The following NFIL3 variants were observed in gnomAD, a reference collection of about 807,000 sequenced individuals.
NFIL3 encodes the protein nuclear factor interleukin-3-regulated protein.
NFIL3 carries 5 observed loss-of-function variants against 10.0 expected under a neutral mutation model. The observed-to-expected ratio is 0.50, with a 90% CI of 0.26 to 1.06. The LOEUF is 1.06. Among genes scored for constraint, NFIL3 ranks in the 50% least tolerant of loss-of-function variants. The pLI, the probability that NFIL3 is intolerant of heterozygous loss-of-function variation, is 0.13. For synonymous variants in NFIL3, 202 were observed against 206.5 expected (o/e 0.98, Z 0.19); for missense variants, 436 against 547.6 (o/e 0.80, Z 2.03).
upstream of NFIL3, among the ~76,000 whole-genome samples, chr9:91,424,156 C>T (rs1385166041): frequency 1.3e-5 from 2 of 152,190 alleles, no homozygotes; most frequent in East Asian, 3.9e-4. Context: ...CCGGAGCGAG[C>T]CTGCGGAGGA....
At chr9:91,466,914 T>C in the NFIL3 span, among the ~76,000 whole-genome samples, 1 of 152,198 alleles carries the variant, frequency 6.6e-6, no homozygotes, top group Non-Finnish European at 1.5e-5. Flanking sequence ...AGATTCATAC[T>C]TAAATTAGCA....
At chr9:91,480,764 T>C in the NFIL3 span, among the ~76,000 whole-genome samples, 3 of 152,340 alleles carry the variant, frequency 2.0e-5, no homozygotes, top group South Asian at 6.2e-4. Flanking sequence ...CAAAATGGCT[T>C]GAGCTCCTAA....
chr9:91,456,638 T>C, the NFIL3 span, among the ~76,000 whole-genome samples: 1 of 152,118 alleles, frequency 6.6e-6, no homozygotes, highest in Admixed American at 6.5e-5. Context: ...TTTTTCTCAG[T>C]GTATGGCTAG....
chr9:91,458,567 T>C, the NFIL3 span, among the ~76,000 whole-genome samples: 1 of 152,272 alleles, frequency 6.6e-6, no homozygotes, highest in South Asian at 2.1e-4. Flanking sequence ...TATCCATTTT[T>C]TTTATCATCT....
At chr9:91,464,324 T>A in the NFIL3 span, among the ~76,000 whole-genome samples, 1 of 152,104 alleles carries the variant, frequency 6.6e-6, no homozygotes, top group Non-Finnish European at 1.5e-5. Flanking sequence ...AAAATTTTTT[T>A]AGTGGTTGTC....
At chr9:91,479,103 C>T in the NFIL3 span, among the ~76,000 whole-genome samples, 77 of 152,342 alleles carry the variant, frequency 5.1e-4, no homozygotes, top group African/African-American at 1.8e-3. Flanking sequence ...ACGTGTCTCC[C>T]AGTTAGGAGG....
chr9:91,413,062 T>C (rs1351131109), intron 1 of NFIL3, among the ~76,000 whole-genome samples: 1 of 152,140 alleles, frequency 6.6e-6, no homozygotes, highest in African/African-American at 2.4e-5. Flanking sequence ...TTTTTGCCCA[T>C]TAAACTGAGC....
the NFIL3 span, among the ~76,000 whole-genome samples, chr9:91,458,456 T>A: frequency 6.6e-6 from 1 of 152,170 alleles, no homozygotes. Context: ...CCTGTTTTGC[T>A]TTTAACATTT....
the NFIL3 span, among the ~76,000 whole-genome samples, chr9:91,446,008 C>T: frequency 2.0e-5 from 3 of 152,268 alleles, no homozygotes; most frequent in Middle Eastern, 3.4e-3. Flanking sequence ...AATTCCAAGA[C>T]GGTGTAGAAC....
the NFIL3 span, among the ~76,000 whole-genome samples, chr9:91,447,276 T>A: frequency 2.0e-4 from 30 of 152,226 alleles, no homozygotes; most frequent in Non-Finnish European, 1.5e-5. Context: ...TTATGAACTA[T>A]GCTGTGATGA....
At chr9:91,470,968 A>T in the NFIL3 span, among the ~76,000 whole-genome samples, 1 of 152,070 alleles carries the variant, frequency 6.6e-6, no homozygotes, top group Non-Finnish European at 1.5e-5. Flanking sequence ...AGTAAGTGTG[A>T]TGTGGTGCTG....
At chr9:91,454,252 A>G in the NFIL3 span, among the ~76,000 whole-genome samples, 1 of 151,424 alleles carries the variant, frequency 6.6e-6, no homozygotes, top group Admixed American at 6.6e-5. Flanking sequence ...AAAAAAAAAG[A>G]ATATCACAAG....
At chr9:91,412,432 C>G (rs1306412487) in intron 1 of NFIL3, among the ~76,000 whole-genome samples, 2 of 152,140 alleles carry the variant, frequency 1.3e-5, no homozygotes, top group African/African-American at 4.8e-5. Flanking sequence ...AACTGTGTTT[C>G]TAGACACTGA....
At chr9:91,416,871 T>C (rs1235741763) in intron 1 of NFIL3, among the ~76,000 whole-genome samples, 1 of 152,202 alleles carries the variant, frequency 6.6e-6, no homozygotes, top group Non-Finnish European at 1.5e-5. Context: ...GAAAATTCTA[T>C]AAAAGAATAT....
the NFIL3 span, among the ~76,000 whole-genome samples, chr9:91,480,955 C>T: frequency 6.6e-6 from 1 of 152,148 alleles, no homozygotes; most frequent in Non-Finnish European, 1.5e-5. Flanking sequence ...GGGAAGGGCG[C>T]GCAGAGGGTG....
the NFIL3 span, among the ~76,000 whole-genome samples, chr9:91,432,424 T>A: frequency 6.6e-6 from 1 of 152,202 alleles, no homozygotes; most frequent in Non-Finnish European, 1.5e-5. Flanking sequence ...GAGATTTGAT[T>A]CAGGCTCCGG....
the NFIL3 span, among the ~76,000 whole-genome samples, chr9:91,473,407 G>A: frequency 6.6e-6 from 1 of 152,334 alleles, no homozygotes; most frequent in African/African-American, 2.4e-5. Context: ...TCAAGCCTCA[G>A]CAATGGCAGA....
At chr9:91,481,378 T>C in the NFIL3 span, among the ~76,000 whole-genome samples, 1 of 152,220 alleles carries the variant, frequency 6.6e-6, no homozygotes, top group African/African-American at 2.4e-5. Flanking sequence ...TGTCATAAGA[T>C]ACATATTGCC....
At chr9:91,436,423 A>G in the NFIL3 span, among the ~76,000 whole-genome samples, 1 of 150,606 alleles carries the variant, frequency 6.6e-6, no homozygotes, top group Admixed American at 6.6e-5. Context: ...CTAAAAATAC[A>G]AAAAATTAGC....
Sources: allele counts gnomAD v4.1 joint callset (sites outside exome capture counted in the v4.1 genomes callset), GRCh38; gene constraint gnomAD v4.1.1; transcripts MANE v1.5; gene names NCBI Gene and HGNC (gene_info 2026-07-23, HGNC 2026-07-21).